KIF7: variants seen among roughly 807,000 people sequenced by gnomAD.
KIF7 encodes kinesin-like protein KIF7.
In KIF7, 104 loss-of-function variants were observed where a neutral mutation model predicts 135.7. The observed-to-expected ratio is 0.77, with a 90% CI of 0.65 to 0.90. The LOEUF (loss-of-function observed/expected upper bound fraction) is 0.90. Among genes scored for constraint, KIF7 ranks in the 40% least tolerant of loss-of-function variants. KIF7 has a pLI of 0.00. For synonymous variants in KIF7, 883 were observed against 809.4 expected, an observed-to-expected ratio of 1.09 and a Z score of -1.54; for missense variants, 2,005 against 1,839.1, an observed-to-expected ratio of 1.09 and a Z score of -1.65.
upstream of KIF7, among the ~76,000 whole-genome samples, chr15:89,659,631 A>G (rs1964239386): frequency 6.6e-6 from 1 of 152,232 alleles, no homozygotes; most frequent in Non-Finnish European, 1.5e-5. Flanking sequence ...ATTGCTAATC[A>G]GGGAATTAAG....
At chr15:89,640,913 G>A (rs1306215742) in intron 11 of KIF7, among the ~76,000 whole-genome samples, 1 of 152,060 alleles carries the variant, frequency 6.6e-6, no homozygotes, top group Non-Finnish European at 1.5e-5. Context: ...TGAGGCATAA[G>A]GATCACTTGA....
chr15:89,649,709 C>A, intron 3 of KIF7, 32 bp downstream of exon 3: 1 of 1,547,858 alleles, frequency 6.5e-7, no homozygotes, highest in Non-Finnish European at 8.7e-7. Flanking sequence ...CTAAGCCCCT[C>A]TCCGTCAGTG....
chr15:89,625,908 C>G (rs777999716), downstream of KIF7: 33 of 1,546,726 alleles, frequency 2.1e-5, no homozygotes, highest in Admixed American at 1.8e-4. Context: ...TCTGGGGACG[C>G]TGCTCTTACT....
At chr15:89,653,710 C>T (rs1964160222) in intron 1 of KIF7, among the ~76,000 whole-genome samples, 1 of 152,094 alleles carries the variant, frequency 6.6e-6, no homozygotes, top group Admixed American at 6.5e-5. Flanking sequence ...TCAGAGTAGC[C>T]GGGACCACAG....
chr15:89,643,292 A>G (rs975137221), intron 10 of KIF7, among the ~76,000 whole-genome samples: 2 of 152,246 alleles, frequency 1.3e-5, no homozygotes, highest in African/African-American at 4.8e-5. Flanking sequence ...CAATACAGTA[A>G]AACAACTATT....
At chr15:89,654,289 G>A (rs1964172511) in intron 1 of KIF7, among the ~76,000 whole-genome samples, 1 of 131,218 alleles carries the variant, frequency 7.6e-6, no homozygotes, top group South Asian at 2.7e-4. Flanking sequence ...GATTCCAGGC[G>A]TAAGTCACCG....
intron 10 of KIF7, among the ~76,000 whole-genome samples, chr15:89,643,839 C>T (rs1221112121): frequency 7.2e-6 from 1 of 138,734 alleles, no homozygotes; most frequent in Admixed American, 7.7e-5. Context: ...GAGCCAACAT[C>T]GTGCCACTGC....
At chr15:89,623,002 C>A (rs1963451646), downstream of KIF7, among the ~76,000 whole-genome samples, 1 of 152,162 alleles carries the variant, frequency 6.6e-6, no homozygotes, top group Non-Finnish European at 1.5e-5. Context: ...ACTGAGAGTC[C>A]CCTGACGGGA....
intron 11 of KIF7, among the ~76,000 whole-genome samples, chr15:89,637,596 T>C (rs951533800): frequency 2.7e-5 from 4 of 149,260 alleles, no homozygotes; most frequent in African/African-American, 7.3e-5. Context: ...CCTCGACACA[T>C]ACACTCTCCC....
chr15:89,628,339 C>G lies in KIF7; in HGVS notation c.*80G>C, dbSNP rs1274712296. ...ATTTAGGGTGTGCGGTAAGGACTGCCCTTCACAGAAGCAAAACAGGCAGCT... is the reference window on the plus strand; with the variant it reads ...ATTTAGGGTGTGCGGTAAGGACTGCGCTTCACAGAAGCAAAACAGGCAGCT... On this transcript the variant is annotated 3_prime_UTR_variant, in exon 19 of 19. Coordinates refer to ENST00000394412, the MANE Select transcript of KIF7 (RefSeq NM_198525.3). 2 of 1,518,628 alleles carry G rather than the reference C, an allele frequency of 1.3e-6. No individual in the cohort carries two copies. The highest frequency in any genetic ancestry group is 8.8e-7 in the Non-Finnish European group (1 of 1,130,390). The allele number at this position is 1,518,628 out of a possible 1,614,324, so 94.1% of individuals were successfully genotyped here. A position where few individuals can be genotyped will look rare whatever the true frequency, so the allele number is the denominator to read the frequency against.
chr15:89,642,244 C>T lies in KIF7; in HGVS notation c.2353G>A (p.Glu785Lys), dbSNP rs1963935532. 5 of 1,610,570 alleles carry T rather than the reference C, an allele frequency of 3.1e-6. No individual in the cohort carries two copies. The highest frequency in any genetic ancestry group is 4.2e-6 in the Non-Finnish European group (5 of 1,179,746). Residue 785 changes from glutamate (E) to lysine (K), a missense_variant, in exon 11 of 19, where the codon GAG becomes AAG. By Grantham distance (56) the Glu-to-Lys change is moderately conservative (BLOSUM62 1). Coordinates refer to ENST00000394412, the MANE Select transcript of KIF7 (RefSeq NM_198525.3). ...GCCGCAGCGACCCTCCTGCGGAACTCCTGGAGCCGAGACCGCTCGCCAGCA... is the reference window on the plus strand; with the variant it reads ...GCCGCAGCGACCCTCCTGCGGAACTTCTGGAGCCGAGACCGCTCGCCAGCA... ...QDAGERSRLQ[E>K]FRRRVAAAQS...
At chr15:89,618,851 C>T (rs751035222) in intron 1 of KIF7, among the ~76,000 whole-genome samples, 9 of 152,152 alleles carry the variant, frequency 5.9e-5, no homozygotes, top group Non-Finnish European at 1.0e-4. Context: ...CCCAGCTACT[C>T]GGGAGGCTGA....
intron 1 of KIF7, among the ~76,000 whole-genome samples, chr15:89,622,703 G>C (rs924727756): frequency 6.6e-6 from 1 of 152,044 alleles, no homozygotes; most frequent in Admixed American, 6.5e-5. Context: ...ACCCCTCCCC[G>C]CTCCACCTCC....
At chr15:89,638,650 C>G (rs1224063140) in intron 11 of KIF7, among the ~76,000 whole-genome samples, 1 of 150,896 alleles carries the variant, frequency 6.6e-6, no homozygotes, top group Non-Finnish European at 1.5e-5. Flanking sequence ...AAAGAGGATA[C>G]AAACAAATGG....
downstream of KIF7, chr15:89,625,647 C>T: frequency 6.2e-7 from 1 of 1,613,520 alleles, no homozygotes; most frequent in African/African-American, 1.3e-5. Context: ...TCCTGTTGGC[C>T]AAGGAAGAAG....
At chr15:89,628,837 C>G in intron 18 of KIF7, 51 bp from the exon 19 acceptor site, 1 of 1,611,710 alleles carries the variant, frequency 6.2e-7, no homozygotes, top group South Asian at 1.1e-5. Context: ...CAACACCTTC[C>G]CGAAGCCCTA....
rs1567069884 is a variant in KIF7, at chr15:89,652,959, G to A, written c.-24-5C>T. The A allele has an allele frequency of 6.8e-7, 1 of 1,467,112 alleles. No individual in the cohort carries two copies. The highest frequency in any genetic ancestry group is 2.2e-5 in the Admixed American group (1 of 44,486). The allele number at this position is 1,467,112 out of a possible 1,614,324, so 90.9% of individuals were successfully genotyped here. On this transcript the variant is annotated splice_polypyrimidine_tract_variant and splice_region_variant and intron_variant, in intron 1 of 18. Coordinates refer to ENST00000394412, the MANE Select transcript of KIF7 (RefSeq NM_198525.3). Reference sequence around the variant, plus strand: ...GAGGGAGGACTGCTCTGGGCCCTGTGGAGAGAGAGAGAAGCCCTGGCCATC... The same window carrying A: ...GAGGGAGGACTGCTCTGGGCCCTGTAGAGAGAGAGAGAAGCCCTGGCCATC...
intron 11 of KIF7, among the ~76,000 whole-genome samples, chr15:89,634,433 G>C (rs112109305): frequency 5.9e-5 from 9 of 152,324 alleles, no homozygotes; most frequent in African/African-American, 2.2e-4. Context: ...ATCTCACTAG[G>C]GAGTGCCAGA....
upstream of KIF7, chr15:89,655,502 C>A (rs967934505): frequency 6.6e-6 from 1 of 152,170 alleles, no homozygotes; most frequent in East Asian, 1.9e-4. Context: ...CAAACCAGCC[C>A]CCCCCTCACC....
Sources: allele counts gnomAD v4.1 joint callset (sites outside exome capture counted in the v4.1 genomes callset), GRCh38; gene constraint gnomAD v4.1.1; transcripts MANE v1.5; gene names NCBI Gene and HGNC (gene_info 2026-07-23, HGNC 2026-07-21).